Variants in GRM8 observed in about 807,000 individuals in gnomAD.
GRM8 encodes the protein glutamate metabotropic receptor 8.
A neutral mutation model predicts 87.2 loss-of-function variants in GRM8; 47 were observed. That is an observed-to-expected ratio of 0.54 (90% CI 0.43 to 0.69). The LOEUF (loss-of-function observed/expected upper bound fraction) is 0.69, where lower values mean the gene tolerates loss of function less well. Ranked by LOEUF, GRM8 falls within the 30% of genes least tolerant of loss-of-function variation. GRM8 has a pLI of 0.00. For synonymous variants in GRM8, 396 were observed against 404.5 expected (o/e 0.98, Z 0.25); for missense variants, 1,019 against 1,139.2 (o/e 0.89, Z 1.52).
intron 3 of GRM8, among the ~76,000 whole-genome samples, chr7:126,956,060 G>A (rs1326451517): frequency 6.6e-6 from 1 of 152,122 alleles, no homozygotes; most frequent in African/African-American, 2.4e-5. Flanking sequence ...AATTTGACGT[G>A]TCCAACAGAG....
At chr7:127,121,091 A>G (rs1233553023) in intron 2 of GRM8, among the ~76,000 whole-genome samples, 1 of 152,182 alleles carries the variant, frequency 6.6e-6, no homozygotes, top group Non-Finnish European at 1.5e-5. Flanking sequence ...TCATCGATAC[A>G]TTTTCCATAG....
At chr7:126,643,302 AAAAAAAAAAAAAAAAAAATATATATAT>A (rs1200476979) in intron 7 of GRM8, among the ~76,000 whole-genome samples, 1 of 44,508 alleles carries the variant, frequency 2.2e-5, no homozygotes, top group Non-Finnish European at 4.1e-5. Flanking sequence ...AAAAAAAAAA[AAAAAAAAAAAAAAAAAAATATATATAT>A]ATATATATAT....
intron 3 of GRM8, among the ~76,000 whole-genome samples, chr7:127,018,926 C>A (rs1221906622): frequency 1.3e-5 from 2 of 151,946 alleles, no homozygotes; most frequent in African/African-American, 2.4e-5. Flanking sequence ...TAGCTGTACA[C>A]TTTGTTACGT....
intron 8 of GRM8, among the ~76,000 whole-genome samples, chr7:126,598,397 T>C (rs1277531619): frequency 6.6e-6 from 1 of 152,108 alleles, no homozygotes; most frequent in African/African-American, 2.4e-5. Context: ...CATAGTTTTG[T>C]ATATTCTTAA....
chr7:126,638,793 T>A (rs1428227300), intron 7 of GRM8, among the ~76,000 whole-genome samples: 1 of 152,218 alleles, frequency 6.6e-6, no homozygotes, highest in Non-Finnish European at 1.5e-5. Context: ...CTAGACACCC[T>A]GGAGCCACTC....
chr7:126,760,056 TTC>T (rs893861972), intron 7 of GRM8, among the ~76,000 whole-genome samples: 3 of 152,128 alleles, frequency 2.0e-5, no homozygotes, highest in Non-Finnish European at 4.4e-5. Context: ...ACCTCAAATC[TTC>T]TCTGTTCCTA....
At chr7:127,211,699 C>A (rs541615575) in intron 2 of GRM8, among the ~76,000 whole-genome samples, 1 of 152,170 alleles carries the variant, frequency 6.6e-6, no homozygotes, top group African/African-American at 2.4e-5. Context: ...AGTTTACCCC[C>A]GCTTTGGCTC....
intron 9 of GRM8, among the ~76,000 whole-genome samples, chr7:126,464,788 CTT>C (rs1442380624): frequency 6.6e-6 from 1 of 151,690 alleles, no homozygotes; most frequent in Admixed American, 6.6e-5. Flanking sequence ...AAACTCTAAA[CTT>C]TAACTTCATC....
intron 6 of GRM8, among the ~76,000 whole-genome samples, chr7:126,771,062 AACCCTT>A (rs1818796355): frequency 6.6e-6 from 1 of 152,056 alleles, no homozygotes; most frequent in Non-Finnish European, 1.5e-5. Context: ...ATCCCTCACC[AACCCTT>A]ACACAACTGG....
intron 3 of GRM8, among the ~76,000 whole-genome samples, chr7:127,104,270 T>C (rs1825608815): frequency 6.6e-6 from 1 of 152,182 alleles, no homozygotes. Context: ...TACTGAGGTT[T>C]TTTTTTAAAA....
chr7:127,177,619 T>C (rs1328779343), intron 2 of GRM8, among the ~76,000 whole-genome samples: 1 of 152,172 alleles, frequency 6.6e-6, no homozygotes, highest in Non-Finnish European at 1.5e-5. Flanking sequence ...CACCTCCACC[T>C]GAACAAGCAC....
intron 6 of GRM8, among the ~76,000 whole-genome samples, chr7:126,875,198 A>G (rs1230934699): frequency 6.6e-6 from 1 of 152,074 alleles, no homozygotes; most frequent in Non-Finnish European, 1.5e-5. Context: ...TATTCTATAT[A>G]TTAACTTGAA....
intron 2 of GRM8, among the ~76,000 whole-genome samples, chr7:127,181,674 A>C (rs1452916589): frequency 6.6e-6 from 1 of 152,044 alleles, no homozygotes; most frequent in Non-Finnish European, 1.5e-5. Flanking sequence ...CAGGATAGAG[A>C]ACCCAGAAAG....
intron 2 of GRM8, chr7:127,228,361 T>C (rs1234259407): frequency 6.6e-6 from 1 of 152,198 alleles, no homozygotes; most frequent in African/African-American, 2.4e-5. Context: ...TCTTGCACTG[T>C]TTCTGTTACA....
chr7:126,989,661 G>A (rs1450618803), intron 3 of GRM8, among the ~76,000 whole-genome samples: 1 of 152,058 alleles, frequency 6.6e-6, no homozygotes. Flanking sequence ...GCTACTGGGG[G>A]CTGGGCACGG....
rs181185898 is a variant in GRM8 at position 127,175,143 on chromosome 7, C to T, written c.510+67552G>A. On this transcript the variant is annotated intron_variant, in intron 2 of 10. Coordinates refer to ENST00000339582, the MANE Select transcript of GRM8 (RefSeq NM_000845.3). The stretch of plus-strand genomic sequence containing the variant: ...TCTAATGATAAAATTAGACAGCATG[C>T]AAGAACAGATGACTAATGTAACCAA... Among the ~76,000 whole-genome samples, 5 of 152,176 alleles carry T rather than the reference C, an allele frequency of 3.3e-5. No homozygotes were observed. In the East Asian group the frequency reaches 9.7e-4, roughly 29 times the overall value.
intron 3 of GRM8, among the ~76,000 whole-genome samples, chr7:126,921,798 T>A (rs751105248): frequency 2.0e-5 from 3 of 152,152 alleles, no homozygotes; most frequent in Non-Finnish European, 4.4e-5. Context: ...TTACCTTCCA[T>A]GCATACCTTT....
At chr7:126,733,086 A>G (rs905268699) in intron 7 of GRM8, among the ~76,000 whole-genome samples, 3 of 152,062 alleles carry the variant, frequency 2.0e-5, no homozygotes, top group Non-Finnish European at 4.4e-5. Context: ...TCTTCTTCCA[A>G]TGTGGCCCAG....
At chr7:127,030,497 G>C (rs1817259952) in intron 3 of GRM8, among the ~76,000 whole-genome samples, 1 of 152,046 alleles carries the variant, frequency 6.6e-6, no homozygotes, top group Non-Finnish European at 1.5e-5. Flanking sequence ...ACTAACGGGG[G>C]AATACCGTTG....
Sources: allele counts gnomAD v4.1 joint callset (sites outside exome capture counted in the v4.1 genomes callset), GRCh38; gene constraint gnomAD v4.1.1; transcripts MANE v1.5; gene names NCBI Gene and HGNC (gene_info 2026-07-23, HGNC 2026-07-21).